Variants in PIGL observed in about 807,000 individuals in gnomAD.
PIGL encodes phosphatidylinositol glycan anchor biosynthesis class L, also known as N-acetylglucosaminyl-phosphatidylinositol de-N-acetylase.
PIGL carries 22 observed loss-of-function variants against 31.1 expected under a neutral mutation model. That is an observed-to-expected ratio of 0.71 (90% CI 0.51 to 1.01). The LOEUF (loss-of-function observed/expected upper bound fraction) is 1.01. Ranked by LOEUF, PIGL falls within the 50% of genes least tolerant of loss-of-function variation. The pLI is 0.00. For missense variants in PIGL, 302 were observed against 315.9 expected (o/e 0.96, Z 0.33); for synonymous variants, 131 against 117.4 (o/e 1.12, Z -0.75).
At chr17:16,293,640 A>C (rs775408305) in intron 2 of PIGL, among the ~76,000 whole-genome samples, 10 of 152,214 alleles carry the variant, frequency 6.6e-5, no homozygotes, top group Non-Finnish European at 1.5e-4. Flanking sequence ...TCTGTCAAGC[A>C]ACTAGTGCTT....
chr17:16,253,288 C>T (rs1161654658), intron 2 of PIGL, among the ~76,000 whole-genome samples: 1 of 151,940 alleles, frequency 6.6e-6, no homozygotes, highest in East Asian at 1.9e-4. Flanking sequence ...ACAACAAAAA[C>T]GTAAAACAAA....
intron 3 of PIGL, chr17:16,312,942 G>A (rs1247689127): frequency 2.0e-5 from 3 of 150,560 alleles, no homozygotes; most frequent in East Asian, 3.9e-4. Flanking sequence ...GGGGGGAGAG[G>A]GAGAGGGAGA....
chr17:16,236,309 T>C (rs926224739), intron 2 of PIGL, among the ~76,000 whole-genome samples: 5 of 152,234 alleles, frequency 3.3e-5, no homozygotes, highest in East Asian at 1.9e-4. Flanking sequence ...TTCAGTCATA[T>C]GTTCTTTAAT....
intron 3 of PIGL, among the ~76,000 whole-genome samples, chr17:16,305,758 A>G (rs2093023618): frequency 6.6e-6 from 1 of 152,156 alleles, no homozygotes; most frequent in South Asian, 2.1e-4. Context: ...GGGAGTTGAG[A>G]TACTCTAGGG....
chr17:16,269,855 G>GT (rs944197383), intron 2 of PIGL, among the ~76,000 whole-genome samples: 10 of 151,564 alleles, frequency 6.6e-5, no homozygotes, highest in African/African-American at 1.5e-4. Context: ...GTTTTGTTCT[G>GT]TTTTTTTTAA....
chr17:16,245,334 C>T (rs939471586), intron 2 of PIGL, among the ~76,000 whole-genome samples: 7 of 151,562 alleles, frequency 4.6e-5, no homozygotes, highest in African/African-American at 1.5e-4. Context: ...GCCGTGTTGG[C>T]CAGGCTGGTC....
chr17:16,242,712 G>A (rs1430298498), intron 2 of PIGL, among the ~76,000 whole-genome samples: 1 of 131,570 alleles, frequency 7.6e-6, no homozygotes, highest in Non-Finnish European at 1.5e-5. Flanking sequence ...TGCCTCCTGG[G>A]TTCAAGTGAT....
rs577127280 is a variant in PIGL at position 16,259,406 on chromosome 17, T to C, written c.335+25336T>C. On this transcript the variant is annotated intron_variant, in intron 2 of 6. Transcript: ENST00000225609. ...AACAAATGGTGATGGAACATCCACA[T>C]GCAAAATAATGAAGTTGACTTTGGG... 5.3e-4 allele frequency among the ~76,000 whole-genome samples: 81 copies of C among 151,878 alleles called. 1 individual carries two copies. The highest frequency in any genetic ancestry group is 1.9e-3 in the African/African-American group (77 of 41,434).
chr17:16,251,583 A>T (rs897579101), intron 2 of PIGL, among the ~76,000 whole-genome samples: 1 of 151,434 alleles, frequency 6.6e-6, no homozygotes, highest in African/African-American at 2.4e-5. Flanking sequence ...AAGAGGGGGG[A>T]AAAAATCTAG....
chr17:16,243,446 A>G (rs1271633767), intron 2 of PIGL, among the ~76,000 whole-genome samples: 1 of 152,212 alleles, frequency 6.6e-6, no homozygotes, highest in Non-Finnish European at 1.5e-5. Flanking sequence ...TATGCTACAA[A>G]GAGATGAAGG....
At chr17:16,225,407 G>C (rs1288580903) in intron 1 of PIGL, among the ~76,000 whole-genome samples, 11 of 20,814 alleles carry the variant, frequency 5.3e-4, no homozygotes, top group African/African-American at 2.4e-3. Context: ...TTTTTTTTTT[G>C]ATACGGAGTC....
chr17:16,325,850 C>T lies in PIGL; in HGVS notation c.711C>T (p.Tyr237=), dbSNP rs1247037072. The change falls in exon 7 of 7, where the codon TAC becomes TAT. Residue 237 remains tyrosine, a synonymous_variant. Coordinates refer to ENST00000225609, the MANE Select transcript of PIGL (RefSeq NM_004278.4). ...AGCTCCTCTGGTTCCGCCGCCTCTA[C>T]ATTATCTTCTCCCGGTACATGAGAA... ...RSQLLWFRRL[Y]IIFSRYMRIN... is the part of the protein sequence containing the mutation. 1 of 1,614,016 alleles carries T rather than the reference C, an allele frequency of 6.2e-7. No homozygotes were observed. Among genetic ancestry groups the T allele is most frequent in the African/African-American group, 1.3e-5 (1 of 75,062 alleles).
chr17:16,268,978 G>A (rs576242304), intron 2 of PIGL, among the ~76,000 whole-genome samples: 1 of 151,958 alleles, frequency 6.6e-6, no homozygotes, highest in African/African-American at 2.4e-5. Flanking sequence ...TGGCCAAGAT[G>A]GTCTTGATCT....
chr17:16,226,485 C>T (rs1219111441), intron 1 of PIGL, among the ~76,000 whole-genome samples: 6 of 152,146 alleles, frequency 3.9e-5, no homozygotes, highest in Admixed American at 2.6e-4. Flanking sequence ...AAAAATCTTG[C>T]AGTATCATAA....
Position 16,299,764 on chromosome 17 carries a change from C to T in PIGL, c.336-124C>T, listed in dbSNP as rs2092996444. The T allele has an allele frequency of 5.6e-6, 4 of 711,110 alleles. No individual in the cohort carries two copies. The Admixed American group carries it at 6.3e-5, about 11-fold the overall frequency. 44.1% of individuals were successfully genotyped at this position (711,110 alleles called of 1,614,324 possible). ...TCACCTTAACTGAAATCTGCTGAAG[C>T]TTAAGGGCAGGGACCCTTACCCCCA... is the stretch of plus-strand genomic sequence containing the variant. On this transcript the variant is annotated intron_variant, in intron 2 of 6. Transcript: ENST00000225609.
intron 6 of PIGL, among the ~76,000 whole-genome samples, chr17:16,320,007 C>T (rs550067509): frequency 3.3e-5 from 5 of 150,946 alleles, no homozygotes; most frequent in Non-Finnish European, 7.4e-5. Flanking sequence ...AGAACCAAGT[C>T]GGGGATTGTG....
chr17:16,287,194 C>T (rs1428731409), intron 2 of PIGL, among the ~76,000 whole-genome samples: 6 of 152,226 alleles, frequency 3.9e-5, no homozygotes. Flanking sequence ...TCGCCTCAGG[C>T]CCACACTGCT....
chr17:16,320,419 GGAAGGAAGGGAGGGAGGGAAGGAAA>G (rs553040035), intron 6 of PIGL, among the ~76,000 whole-genome samples: 8,156 of 134,554 alleles, frequency 0.061, 413 homozygotes, highest in African/African-American at 0.14. Flanking sequence ...AAAGGAGAGA[GGAAGGAAGGGAGGGAGGGAAGGAAA>G]GAAGGAAGGG....
intron 2 of PIGL, among the ~76,000 whole-genome samples, chr17:16,235,793 G>A (rs1007641520): frequency 2.7e-5 from 4 of 145,598 alleles, no homozygotes; most frequent in African/African-American, 7.5e-5. Flanking sequence ...ATCAGATTTG[G>A]GTCTAACTTT....
Sources: gnomAD v4.1 joint callset for allele counts (sites outside exome capture counted in the v4.1 genomes callset) on GRCh38, gnomAD v4.1.1 for gene constraint, MANE v1.5 for transcripts, NCBI Gene and HGNC (gene_info 2026-07-23, HGNC 2026-07-21) for gene names.